ANKRD30B: variants seen among roughly 807,000 people sequenced by gnomAD.
ANKRD30B encodes the protein ankyrin repeat domain-containing protein 30B.
A neutral mutation model predicts 202.2 loss-of-function variants in ANKRD30B; 144 were observed. The ratio of observed to expected loss-of-function variants is 0.71; its 90% CI spans 0.62 to 0.82. ANKRD30B has a LOEUF of 0.82. Ranked by LOEUF, ANKRD30B falls within the 40% of genes least tolerant of loss-of-function variation. The probability of loss-of-function intolerance (pLI) is 0.00; values close to 1 mark genes in which losing one functional copy is unlikely to be tolerated. For synonymous variants in ANKRD30B, 508 were observed against 561.3 expected, an observed-to-expected ratio of 0.91 and a Z score of 1.34; for missense variants, 1,487 against 1,669.1, an observed-to-expected ratio of 0.89 and a Z score of 1.90.
At chr18:14,756,498 G>T (rs1198822179) in intron 4 of ANKRD30B, among the ~76,000 whole-genome samples, 1 of 152,142 alleles carries the variant, frequency 6.6e-6, no homozygotes, top group South Asian at 2.1e-4. Flanking sequence ...GTCCTGAATG[G>T]TATTGCCTAG....
At chr18:14,793,054 A>G (rs1056102190) in intron 16 of ANKRD30B, among the ~76,000 whole-genome samples, 5 of 152,172 alleles carry the variant, frequency 3.3e-5, no homozygotes, top group African/African-American at 1.2e-4. Flanking sequence ...GGGCTAATTA[A>G]GTTTGCTGTT....
chr18:14,773,518 AATGCATAAATTC>A (rs1967146971), intron 9 of ANKRD30B, among the ~76,000 whole-genome samples: 1 of 152,220 alleles, frequency 6.6e-6, no homozygotes, highest in South Asian at 2.1e-4. Context: ...TAATATTTAG[AATGCATAAATTC>A]ATGTGAAAAT....
chr18:14,882,595 A>G, the ANKRD30B span, among the ~76,000 whole-genome samples: 1 of 152,090 alleles, frequency 6.6e-6, no homozygotes. Context: ...GTTGGATGAA[A>G]TGTTCTGTAT....
intron 1 of ANKRD30B, among the ~76,000 whole-genome samples, chr18:14,749,778 C>T (rs917457946): frequency 6.8e-6 from 1 of 147,374 alleles, no homozygotes; most frequent in African/African-American, 2.5e-5. Flanking sequence ...AACACCCAAA[C>T]ATATGTAAGA....
chr18:14,800,613 C>T (rs1200576307), intron 22 of ANKRD30B, among the ~76,000 whole-genome samples: 1 of 149,588 alleles, frequency 6.7e-6, no homozygotes, highest in Non-Finnish European at 1.5e-5. Flanking sequence ...CGTGAGCCAC[C>T]GCGCCCGGCC....
the ANKRD30B span, among the ~76,000 whole-genome samples, chr18:14,863,424 G>T: frequency 6.6e-6 from 1 of 151,936 alleles, no homozygotes; most frequent in Non-Finnish European, 1.5e-5. Flanking sequence ...CTCTTGACAC[G>T]TGATACACTG....
the ANKRD30B span, among the ~76,000 whole-genome samples, chr18:14,925,232 G>A: frequency 6.6e-6 from 1 of 152,200 alleles, no homozygotes; most frequent in Non-Finnish European, 1.5e-5. Flanking sequence ...TGTGTCAGGA[G>A]GAGTGGAGAC....
chr18:14,887,284 T>C, the ANKRD30B span, among the ~76,000 whole-genome samples: 1 of 152,084 alleles, frequency 6.6e-6, no homozygotes, highest in Non-Finnish European at 1.5e-5. Flanking sequence ...ATGTTGGGCA[T>C]TGTGCTCTTG....
the ANKRD30B span, among the ~76,000 whole-genome samples, chr18:14,927,395 A>C: frequency 6.6e-6 from 1 of 152,202 alleles, no homozygotes; most frequent in East Asian, 1.9e-4. Context: ...TTCAAAATTC[A>C]GAATGATGGT....
chr18:14,852,286 G>A lies in ANKRD30B; in HGVS notation c.4342G>A (p.Val1448Ile). The A allele has an allele frequency of 6.5e-7, 1 of 1,544,268 alleles. No homozygotes were observed. Among genetic ancestry groups the A allele is most frequent in the Non-Finnish European group, 8.7e-7 (1 of 1,144,876 alleles). Residue 1448 changes from valine (V) to isoleucine (I), a missense_variant, in exon 42 of 44, where the codon GTA (valine) becomes ATA (isoleucine). Transcript: ENST00000690538. ...YAHKKVNKSK[V>I]TINIQFPEMK... ...ACATAAGAAAGTTAACAAAAGCAAGGTAACAATTAATATTCAGTTTCCTGA... is the reference window on the plus strand; with the variant it reads ...ACATAAGAAAGTTAACAAAAGCAAGATAACAATTAATATTCAGTTTCCTGA...
chr18:14,845,103 C>T (rs938345453), intron 39 of ANKRD30B, among the ~76,000 whole-genome samples: 3 of 151,872 alleles, frequency 2.0e-5, no homozygotes, highest in Admixed American at 6.6e-5. Flanking sequence ...TAATTAGGTC[C>T]CATTTGTCAA....
intron 18 of ANKRD30B, among the ~76,000 whole-genome samples, chr18:14,796,872 A>G (rs1364318192): frequency 6.6e-6 from 1 of 152,204 alleles, no homozygotes; most frequent in East Asian, 1.9e-4. Context: ...AGATGGTCCC[A>G]TGTGGATGAA....
At chr18:14,934,319 G>A in the ANKRD30B span, among the ~76,000 whole-genome samples, 1 of 152,210 alleles carries the variant, frequency 6.6e-6, no homozygotes, top group Admixed American at 6.5e-5. Context: ...GCAGGCCCGA[G>A]GGGAGCTGGG....
At chr18:14,933,855 T>C in the ANKRD30B span, among the ~76,000 whole-genome samples, 3 of 152,186 alleles carry the variant, frequency 2.0e-5, no homozygotes, top group Non-Finnish European at 4.4e-5. Flanking sequence ...ACTTGCCCTT[T>C]GTACAGGGCT....
chr18:14,873,553 T>C, the ANKRD30B span, among the ~76,000 whole-genome samples: 2,112 of 150,458 alleles, frequency 0.014, 60 homozygotes, highest in African/African-American at 0.05. Flanking sequence ...AAAGAGAGAA[T>C]TTGGGCTTTA....
chr18:14,837,449 A>C (rs1489656843), intron 35 of ANKRD30B, among the ~76,000 whole-genome samples, 160 bp downstream of exon 35: 2 of 151,902 alleles, frequency 1.3e-5, no homozygotes, highest in African/African-American at 4.8e-5. Context: ...ATCTTTCTTC[A>C]TACTATCAAC....
the ANKRD30B span, among the ~76,000 whole-genome samples, chr18:14,939,066 T>A: frequency 6.6e-6 from 1 of 152,154 alleles, no homozygotes; most frequent in African/African-American, 2.4e-5. Context: ...TGCTTTTGAA[T>A]CCATCTTACT....
chr18:14,937,221 A>G, the ANKRD30B span, among the ~76,000 whole-genome samples: 4 of 152,332 alleles, frequency 2.6e-5, no homozygotes, highest in Admixed American at 2.6e-4. Context: ...GAAAATGAAA[A>G]GAAATCTCAG....
chr18:14,892,549 G>A, the ANKRD30B span, among the ~76,000 whole-genome samples: 2 of 151,882 alleles, frequency 1.3e-5, no homozygotes, highest in Non-Finnish European at 2.9e-5. Flanking sequence ...TACTAACCTG[G>A]CCAACATGGC....
Sources: gnomAD v4.1 joint callset for allele counts (sites outside exome capture counted in the v4.1 genomes callset) on GRCh38, gnomAD v4.1.1 for gene constraint, MANE v1.5 for transcripts, NCBI Gene and HGNC (gene_info 2026-07-23, HGNC 2026-07-21) for gene names.